The following RREB1 variants were observed in gnomAD, a reference collection of about 807,000 sequenced individuals.
The protein encoded by RREB1 is ras responsive element binding protein 1, also known as ras-responsive element-binding protein 1.
In RREB1, 27 loss-of-function variants were observed where a neutral mutation model predicts 117.8. That is an observed-to-expected ratio of 0.23 (90% CI 0.17 to 0.32). The LOEUF (loss-of-function observed/expected upper bound fraction) is 0.32. Among genes scored for constraint, RREB1 ranks in the 10% least tolerant of loss-of-function variants. RREB1 has a pLI of 1.00. For synonymous variants in RREB1, 1,298 were observed against 1,026.7 expected (o/e 1.26, Z -5.05); for missense variants, 2,577 against 2,378.2 (o/e 1.08, Z -1.74).
At chr6:7,198,108 C>T (rs143212987) in intron 6 of RREB1, among the ~76,000 whole-genome samples, 144 of 152,272 alleles carry the variant, frequency 9.5e-4, no homozygotes, top group African/African-American at 3.4e-3. Flanking sequence ...TGTGAACTTC[C>T]ATCATGGTCG....
chr6:7,152,477 G>A (rs1385809665), intron 1 of RREB1, among the ~76,000 whole-genome samples: 1 of 152,202 alleles, frequency 6.6e-6, no homozygotes, highest in Non-Finnish European at 1.5e-5. Context: ...TGAAACATAT[G>A]AAAGAAATTC....
At chr6:7,118,693 C>G (rs1482887600) in intron 1 of RREB1, among the ~76,000 whole-genome samples, 2 of 151,808 alleles carry the variant, frequency 1.3e-5, no homozygotes, top group Non-Finnish European at 2.9e-5. Context: ...CTTAATAAGG[C>G]TTCACAACCT....
At chr6:7,129,363 T>C (rs1762063247) in intron 1 of RREB1, among the ~76,000 whole-genome samples, 1 of 151,974 alleles carries the variant, frequency 6.6e-6, no homozygotes, top group Non-Finnish European at 1.5e-5. Flanking sequence ...TCTTCTTAAT[T>C]TAAGTGGTAG....
chr6:7,174,831 A>G (rs926031205), intron 1 of RREB1, among the ~76,000 whole-genome samples: 1 of 151,950 alleles, frequency 6.6e-6, no homozygotes, highest in Non-Finnish European at 1.5e-5. Context: ...CTGGTCACAA[A>G]CTCCTGACCT....
At chr6:7,187,339 A>G (rs1398766582) in intron 4 of RREB1, 95 bp from the exon 5 acceptor site, 4 of 643,850 alleles carry the variant, frequency 6.2e-6, no homozygotes, top group South Asian at 2.8e-5. Context: ...TCTCAGCTAC[A>G]TAGACACAAG....
At chr6:7,109,826 C>CCTG (rs1477239705) in intron 1 of RREB1, among the ~76,000 whole-genome samples, 2 of 152,034 alleles carry the variant, frequency 1.3e-5, no homozygotes, top group African/African-American at 4.8e-5. Flanking sequence ...TGAGGATGCT[C>CCTG]CTGCTGCTGC....
chr6:7,113,325 T>G (rs1761240546), intron 1 of RREB1, among the ~76,000 whole-genome samples: 1 of 152,172 alleles, frequency 6.6e-6, no homozygotes, highest in Admixed American at 6.5e-5. Context: ...TTTTCTCTAG[T>G]TTGCTTGGTA....
intron 2 of RREB1, among the ~76,000 whole-genome samples, chr6:7,178,524 T>G (rs1764624405): frequency 6.6e-6 from 1 of 152,354 alleles, no homozygotes; most frequent in East Asian, 1.9e-4. Flanking sequence ...TGCACCAGCT[T>G]CTTCCCCTTC....
chr6:7,242,902 A>C (rs1050396486), intron 11 of RREB1, among the ~76,000 whole-genome samples: 3 of 152,174 alleles, frequency 2.0e-5, no homozygotes, highest in Non-Finnish European at 4.4e-5. Context: ...TGAATATTCA[A>C]ATTTCAACTG....
intron 1 of RREB1, among the ~76,000 whole-genome samples, chr6:7,172,788 C>T (rs1012318230): frequency 3.9e-5 from 6 of 152,226 alleles, no homozygotes; most frequent in Admixed American, 2.0e-4. Context: ...AACTCAAAGC[C>T]GTCATCACAG....
rs544430429 is a variant in RREB1, at chr6:7,204,329, G to A, written c.426-6475G>A. Among the ~76,000 whole-genome samples, 5 of 128,776 alleles carry A rather than the reference G, an allele frequency of 3.9e-5. No homozygotes were observed. In the South Asian group the frequency reaches 9.5e-4, roughly 24 times the overall value. 84.5% of individuals were successfully genotyped at this position (128,776 alleles called of 152,430 possible). A position where few individuals can be genotyped will look rare whatever the true frequency, so the allele number is the denominator to read the frequency against. ...CCCCGCCCCCTCCCTCTCTGTGTCT[G>A]CTCTCCATCCCCCATTTGTTTGCAT... On this transcript the variant is annotated intron_variant, in intron 6 of 12. Transcript: ENST00000379938.
At chr6:7,238,118 G>T (rs190298147) in intron 10 of RREB1, among the ~76,000 whole-genome samples, 3 of 152,240 alleles carry the variant, frequency 2.0e-5, no homozygotes, top group Admixed American at 6.5e-5. Flanking sequence ...TCTCAATCTG[G>T]CCAGACTCAG....
intron 1 of RREB1, among the ~76,000 whole-genome samples, chr6:7,142,259 G>A (rs1237305196): frequency 2.0e-5 from 3 of 151,944 alleles, no homozygotes; most frequent in African/African-American, 4.8e-5. Context: ...AATGGAGGTG[G>A]AGGACCACAC....
intron 1 of RREB1, among the ~76,000 whole-genome samples, chr6:7,118,785 C>CATT: frequency 6.8e-6 from 1 of 147,768 alleles, no homozygotes; most frequent in Non-Finnish European, 1.5e-5. Flanking sequence ...TTGCCAATCC[C>CATT]ATGGTGTTTT....
chr6:7,229,198 C>A lies in RREB1; in HGVS notation c.1099C>A (p.Leu367Ile). ...GGACCAGAAGGGCTTCCTGGCCTTGCTTGGCCTGCAGCACACCAAAGACGT... is the reference window on the plus strand; with the variant it reads ...GGACCAGAAGGGCTTCCTGGCCTTGATTGGCCTGCAGCACACCAAAGACGT... ...ALDQKGFLALLGLQHTKDVRP... is the reference protein window; with the variant it reads ...ALDQKGFLALIGLQHTKDVRP... Residue 367 changes from leucine (L) to isoleucine (I), a missense_variant, in exon 10 of 13, where the codon CTT (leucine) becomes ATT (isoleucine). Transcript: ENST00000379938. This position sits in a 1 kb window ranked among gnomAD's most constrained non-coding sequence, Gnocchi z 4.5. The A allele has an allele frequency of 3.7e-6, 6 of 1,611,478 alleles. No individual in the cohort carries two copies. The highest frequency in any genetic ancestry group is 5.1e-6 in the Non-Finnish European group (6 of 1,178,126).
chr6:7,137,504 T>C (rs972664392), intron 1 of RREB1, among the ~76,000 whole-genome samples: 2 of 152,238 alleles, frequency 1.3e-5, no homozygotes, highest in African/African-American at 2.4e-5. Flanking sequence ...ATGATATGCA[T>C]GCGCATTTTT....
chr6:7,109,273 C>A (rs1016559320), intron 1 of RREB1, among the ~76,000 whole-genome samples: 4 of 151,986 alleles, frequency 2.6e-5, no homozygotes, highest in Admixed American at 2.6e-4. Context: ...CCCAACTTCC[C>A]GCACAAGCCT....
At chr6:7,136,037 T>G (rs1312844325) in intron 1 of RREB1, among the ~76,000 whole-genome samples, 2 of 152,198 alleles carry the variant, frequency 1.3e-5, no homozygotes, top group African/African-American at 2.4e-5. Flanking sequence ...CAGTACCTCC[T>G]CCAACTGTTG....
Position 7,188,886 on chromosome 6 carries a change from A to T in RREB1, c.262-273A>T, listed in dbSNP as rs551182162. Among the ~76,000 whole-genome samples, 3 of 152,314 alleles carry T rather than the reference A, an allele frequency of 2.0e-5. No homozygotes were observed. In the East Asian group the frequency reaches 5.8e-4, roughly 29 times the overall value. Reference sequence around the variant, plus strand: ...GTCACTGAATCTGTATGTGGTTCAAAGCAAGACCTGGGAAGGCTCTACTTC... The same window carrying T: ...GTCACTGAATCTGTATGTGGTTCAATGCAAGACCTGGGAAGGCTCTACTTC... On this transcript the variant is annotated intron_variant, in intron 5 of 12. Transcript: ENST00000379938.
Sources: allele counts gnomAD v4.1 joint callset (sites outside exome capture counted in the v4.1 genomes callset), GRCh38; gene constraint gnomAD v4.1.1; non-coding constraint Gnocchi (gnomAD v3.1); transcripts MANE v1.5; gene names NCBI Gene and HGNC (gene_info 2026-07-23, HGNC 2026-07-21).